PCDH9: variants seen among roughly 807,000 people sequenced by gnomAD.
PCDH9 encodes the protein protocadherin-9.
In PCDH9, 24 loss-of-function variants were observed where a neutral mutation model predicts 70.6. The ratio of observed to expected loss-of-function variants is 0.34; its 90% CI spans 0.25 to 0.48. The LOEUF is 0.48. PCDH9 is among the 20% of genes least tolerant of loss of function. PCDH9 has a pLI of 0.99. For synonymous variants in PCDH9, 562 were observed against 558.5 expected, an observed-to-expected ratio of 1.01 and a Z score of -0.09; for missense variants, 1,281 against 1,503.6, an observed-to-expected ratio of 0.85 and a Z score of 2.45.
intron 2 of PCDH9, among the ~76,000 whole-genome samples, chr13:67,144,394 A>G (rs1566453116): frequency 6.6e-6 from 1 of 152,296 alleles, no homozygotes; most frequent in East Asian, 1.9e-4. Context: ...TGTACAAAAT[A>G]TCCTGTCGTT....
intron 3 of PCDH9, among the ~76,000 whole-genome samples, chr13:66,843,151 C>T (rs923915774): frequency 6.6e-6 from 1 of 152,160 alleles, no homozygotes; most frequent in Non-Finnish European, 1.5e-5. Context: ...TCTGACTGAA[C>T]ATTCATTAAG....
intron 4 of PCDH9, among the ~76,000 whole-genome samples, chr13:66,552,770 G>A (rs1231129685): frequency 2.6e-5 from 4 of 152,060 alleles, no homozygotes; most frequent in Admixed American, 6.6e-5. Context: ...GAAGAAAGAT[G>A]AGGAATGTAC....
chr13:66,555,439 T>C (rs1961691460), intron 4 of PCDH9, among the ~76,000 whole-genome samples: 2 of 150,652 alleles, frequency 1.3e-5, no homozygotes, highest in East Asian at 1.9e-4. Context: ...AAAAGCAATA[T>C]ATGTTTTTTA....
chr13:66,743,028 T>A (rs2079293165), intron 3 of PCDH9, among the ~76,000 whole-genome samples: 1 of 95,758 alleles, frequency 1.0e-5, no homozygotes, highest in Non-Finnish European at 2.6e-5. Flanking sequence ...CATGCTGCTA[T>A]AAAGACACAC....
At chr13:66,446,722 C>A (rs1958098647) in intron 4 of PCDH9, among the ~76,000 whole-genome samples, 1 of 151,888 alleles carries the variant, frequency 6.6e-6, no homozygotes, top group Admixed American at 6.6e-5. Flanking sequence ...CTATCACATT[C>A]AAAAAATCTT....
intron 2 of PCDH9, chr13:67,212,219 T>G: frequency 6.6e-6 from 1 of 152,218 alleles, no homozygotes; most frequent in South Asian, 2.1e-4. Flanking sequence ...ATTAGAGTAA[T>G]AGATCTTAGA....
chr13:67,167,091 A>G (rs1246198276), intron 2 of PCDH9, among the ~76,000 whole-genome samples: 1 of 152,208 alleles, frequency 6.6e-6, no homozygotes, highest in African/African-American at 2.4e-5. Flanking sequence ...CACTGGTTCA[A>G]CTTAAGTATA....
At chr13:66,437,962 G>A (rs1166552732) in intron 4 of PCDH9, among the ~76,000 whole-genome samples, 3 of 152,064 alleles carry the variant, frequency 2.0e-5, no homozygotes, top group Non-Finnish European at 1.5e-5. Flanking sequence ...GGCTGGGCGC[G>A]GTGGCTCACG....
At chr13:67,084,375 C>A (rs2086050340) in intron 2 of PCDH9, among the ~76,000 whole-genome samples, 1 of 152,086 alleles carries the variant, frequency 6.6e-6, no homozygotes, top group African/African-American at 2.4e-5. Context: ...TCTGCTGATC[C>A]CAAATTGTTA....
intron 3 of PCDH9, among the ~76,000 whole-genome samples, chr13:66,718,612 T>C (rs556729831): frequency 5.9e-5 from 9 of 152,302 alleles, no homozygotes; most frequent in African/African-American, 1.7e-4. Context: ...GCATAAAAGC[T>C]ATCAGCAGAG....
intron 2 of PCDH9, among the ~76,000 whole-genome samples, chr13:67,190,860 T>A (rs941021731): frequency 6.6e-6 from 1 of 152,116 alleles, no homozygotes; most frequent in Non-Finnish European, 1.5e-5. Context: ...TCCAATAATA[T>A]CTAAAAATGT....
At chr13:67,214,783 T>C (rs1461129658) in intron 2 of PCDH9, 2 of 151,028 alleles carry the variant, frequency 1.3e-5, no homozygotes, top group African/African-American at 4.9e-5. Context: ...AAAGATACAA[T>C]AGAAATCAGA....
chr13:66,863,679 G>A (rs1251778342), intron 3 of PCDH9, among the ~76,000 whole-genome samples: 1 of 151,940 alleles, frequency 6.6e-6, no homozygotes, highest in African/African-American at 2.4e-5. Context: ...GTAGAGACGG[G>A]GTTTCACCGT....
chr13:66,471,872 G>A (rs1442216017), intron 4 of PCDH9, among the ~76,000 whole-genome samples: 2 of 152,102 alleles, frequency 1.3e-5, no homozygotes, highest in Non-Finnish European at 2.9e-5. Flanking sequence ...TTATTTGGTG[G>A]TTTCCCCAAA....
intron 4 of PCDH9, among the ~76,000 whole-genome samples, chr13:66,423,896 G>A (rs1957618471): frequency 6.6e-6 from 1 of 152,132 alleles, no homozygotes; most frequent in African/African-American, 2.4e-5. Flanking sequence ...TTGTCTGTTT[G>A]CAGATGATAT....
intron 3 of PCDH9, among the ~76,000 whole-genome samples, chr13:66,796,845 A>C (rs908591639): frequency 5.3e-5 from 8 of 152,294 alleles, no homozygotes; most frequent in African/African-American, 1.9e-4. Flanking sequence ...GAAAATAATT[A>C]GCACATTAGG....
intron 4 of PCDH9, among the ~76,000 whole-genome samples, chr13:66,616,453 TATC>T (rs2077356552): frequency 1.3e-5 from 2 of 150,884 alleles, no homozygotes; most frequent in African/African-American, 2.4e-5. Context: ...TTTTAAAACT[TATC>T]ATACATTCGT....
At chr13:66,338,048 G>A (rs556933559) in intron 4 of PCDH9, among the ~76,000 whole-genome samples, 1 of 152,208 alleles carries the variant, frequency 6.6e-6, no homozygotes, top group South Asian at 2.1e-4. Flanking sequence ...TGTGAGCCTT[G>A]TGACTTTAGG....
intron 4 of PCDH9, among the ~76,000 whole-genome samples, chr13:66,569,554 T>G (rs1846883918): frequency 6.6e-6 from 1 of 152,162 alleles, no homozygotes; most frequent in Admixed American, 6.5e-5. Flanking sequence ...CATTATATGC[T>G]GTTTTTCCTC....
Sources: gnomAD v4.1 joint callset for allele counts (sites outside exome capture counted in the v4.1 genomes callset) on GRCh38, gnomAD v4.1.1 for gene constraint, MANE v1.5 for transcripts, NCBI Gene and HGNC (gene_info 2026-07-23, HGNC 2026-07-21) for gene names.